The following MBNL2 variants were observed in gnomAD, a reference collection of about 807,000 sequenced individuals.
The protein encoded by MBNL2 is muscleblind-like protein 2.
Under a neutral mutation model 41.9 loss-of-function variants are expected in MBNL2, and 17 were observed. That is an observed-to-expected ratio of 0.41 (90% CI 0.28 to 0.61). MBNL2 has a LOEUF of 0.61. Ranked by LOEUF, MBNL2 falls within the 20% of genes least tolerant of loss-of-function variation. MBNL2 has a pLI of 0.35. For missense variants in MBNL2, 336 were observed against 505.6 expected, an observed-to-expected ratio of 0.66 and a Z score of 3.22; for synonymous variants, 195 against 182.9, an observed-to-expected ratio of 1.07 and a Z score of -0.53.
At chr13:97,262,904 C>T (rs2048917505) in intron 1 of MBNL2, among the ~76,000 whole-genome samples, 1 of 152,170 alleles carries the variant, frequency 6.6e-6, no homozygotes, top group Admixed American at 6.5e-5. Context: ...GCTGGGATTA[C>T]AGGCATGCAT....
intron 8 of MBNL2, among the ~76,000 whole-genome samples, chr13:97,379,056 T>C (rs963070319): frequency 3.9e-5 from 6 of 152,340 alleles, no homozygotes; most frequent in Middle Eastern, 3.4e-3. Flanking sequence ...TTGGAATCTA[T>C]GGTCAGTGTA....
chr13:97,364,476 C>A (rs954698708), intron 7 of MBNL2, among the ~76,000 whole-genome samples: 3 of 152,122 alleles, frequency 2.0e-5, no homozygotes, highest in African/African-American at 7.2e-5. Flanking sequence ...CCTGTAAGAA[C>A]CTCAGTCTTC....
chr13:97,260,479 G>A (rs1310625375), intron 1 of MBNL2, among the ~76,000 whole-genome samples: 1 of 152,182 alleles, frequency 6.6e-6, no homozygotes, highest in Non-Finnish European at 1.5e-5. Flanking sequence ...AAGGGTAGAG[G>A]CATCAGTAGA....
At chr13:97,287,918 G>GTTTTTTTTTTTTTTTTTTTT (rs11423615) in intron 2 of MBNL2, among the ~76,000 whole-genome samples, 4 of 124,624 alleles carry the variant, frequency 3.2e-5, no homozygotes, top group African/African-American at 1.4e-4. Flanking sequence ...CTAATTTTCT[G>GTTTTTTTTTTTTTTTTTTTT]TTTTTTTTTT....
chr13:97,247,625 G>A (rs1247972286), intron 1 of MBNL2, among the ~76,000 whole-genome samples: 1 of 152,144 alleles, frequency 6.6e-6, no homozygotes, highest in Non-Finnish European at 1.5e-5. Context: ...AGGCAGTGGT[G>A]TTACTTATAA....
the MBNL2 span, among the ~76,000 whole-genome samples, chr13:97,212,751 T>C: frequency 1.3e-5 from 2 of 152,228 alleles, no homozygotes; most frequent in African/African-American, 4.8e-5. Context: ...ACATATTTAA[T>C]AAATAGATGT....
At chr13:97,386,984 TCA>T (rs2065970199) in intron 8 of MBNL2, among the ~76,000 whole-genome samples, 1 of 151,918 alleles carries the variant, frequency 6.6e-6, no homozygotes, top group South Asian at 2.1e-4. Context: ...AAAAACAGAA[TCA>T]CAGATACTGT....
chr13:97,354,798 A>C (rs982229173), intron 5 of MBNL2, among the ~76,000 whole-genome samples: 1 of 152,232 alleles, frequency 6.6e-6, no homozygotes, highest in Non-Finnish European at 1.5e-5. Flanking sequence ...ATGTCAGAAA[A>C]GATCAACCCA....
chr13:97,325,609 A>T (rs1252912033), intron 2 of MBNL2, among the ~76,000 whole-genome samples: 1 of 152,212 alleles, frequency 6.6e-6, no homozygotes, highest in Non-Finnish European at 1.5e-5. Context: ...AAGCACCTGT[A>T]GTCCCAGCTA....
chr13:97,333,939 AAAGAAAAG>A (rs1052190225), intron 2 of MBNL2, among the ~76,000 whole-genome samples: 3 of 143,494 alleles, frequency 2.1e-5, no homozygotes, highest in African/African-American at 8.1e-5. Flanking sequence ...GGAAAGAAAG[AAAGAAAAG>A]AAAGAAAGAA....
chr13:97,378,548 T>G (rs1356536913), intron 8 of MBNL2, among the ~76,000 whole-genome samples: 1 of 152,188 alleles, frequency 6.6e-6, no homozygotes, highest in Admixed American at 6.5e-5. Flanking sequence ...TGACAGTCAA[T>G]ACTTTCAGGA....
At chr13:97,360,076 T>C (rs57122527) in intron 7 of MBNL2, among the ~76,000 whole-genome samples, 4,371 of 152,270 alleles carry the variant, frequency 0.029, 223 homozygotes, top group African/African-American at 0.1. Flanking sequence ...GCAAATCAAG[T>C]GAAGATGTTC....
the MBNL2 span, among the ~76,000 whole-genome samples, chr13:97,146,157 ATTT>A: frequency 2.1e-4 from 30 of 140,840 alleles, no homozygotes; most frequent in African/African-American, 4.6e-4. Context: ...CAACCGGCTA[ATTT>A]TTTTTTTTTT....
intron 2 of MBNL2, among the ~76,000 whole-genome samples, chr13:97,311,381 T>C (rs751713926): frequency 6.6e-6 from 1 of 152,094 alleles, no homozygotes; most frequent in Admixed American, 6.5e-5. Flanking sequence ...CAAAAATGAG[T>C]CTTCAAACAT....
chr13:97,166,835 GATA>G, the MBNL2 span, among the ~76,000 whole-genome samples: 1 of 151,168 alleles, frequency 6.6e-6, no homozygotes, highest in Non-Finnish European at 1.5e-5. Flanking sequence ...TAGATAGATA[GATA>G]GAAAGATAGA....
chr13:97,317,451 C>T (rs2059154633), intron 2 of MBNL2, among the ~76,000 whole-genome samples: 1 of 152,230 alleles, frequency 6.6e-6, no homozygotes, highest in African/African-American at 2.4e-5. Context: ...TTCTCCCACC[C>T]TACTGTTCCT....
At chr13:97,282,869 A>T (rs2053696891) in intron 2 of MBNL2, among the ~76,000 whole-genome samples, 4 of 152,224 alleles carry the variant, frequency 2.6e-5, no homozygotes. Context: ...ATTGTGCCCC[A>T]GCACCTAGCG....
chr13:97,149,010 C>T, the MBNL2 span, among the ~76,000 whole-genome samples: 4 of 152,308 alleles, frequency 2.6e-5, no homozygotes, highest in South Asian at 2.1e-4. Context: ...GGACTTTCCA[C>T]GCAATATGTT....
intron 2 of MBNL2, among the ~76,000 whole-genome samples, chr13:97,282,580 T>G (rs1453764262): frequency 1.3e-5 from 2 of 152,202 alleles, no homozygotes; most frequent in African/African-American, 4.8e-5. Flanking sequence ...TTGGTGTGTG[T>G]GTGTGCCCAT....
Sources: allele counts gnomAD v4.1 joint callset (sites outside exome capture counted in the v4.1 genomes callset), GRCh38; gene constraint gnomAD v4.1.1; transcripts MANE v1.5; gene names NCBI Gene and HGNC (gene_info 2026-07-23, HGNC 2026-07-21).